ABCC5: variants seen among roughly 807,000 people sequenced by gnomAD.
ABCC5 encodes ATP-binding cassette sub-family C member 5.
A neutral mutation model predicts 160.9 loss-of-function variants in ABCC5; 61 were observed. That is an observed-to-expected ratio of 0.38 (90% CI 0.31 to 0.47). The LOEUF is 0.47. ABCC5 is among the 20% of genes least tolerant of loss of function. The pLI is 0.99. For synonymous variants in ABCC5, 666 were observed against 700.6 expected (o/e 0.95, Z 0.78); for missense variants, 1,308 against 1,813.3 (o/e 0.72, Z 5.06).
At chr3:184,011,373 T>C (rs1721728728) in intron 2 of ABCC5, 1 of 152,198 alleles carries the variant, frequency 6.6e-6, no homozygotes, top group Non-Finnish European at 1.5e-5. Context: ...ACCAGGCACA[T>C]CTATAGGAAT....
chr3:183,950,734 C>T (rs745949853), intron 20 of ABCC5, among the ~76,000 whole-genome samples: 2 of 152,120 alleles, frequency 1.3e-5, no homozygotes, highest in African/African-American at 2.4e-5. Context: ...TGTATCAGTT[C>T]GAGTATCAGG....
chr3:183,970,024 T>A (rs1488006377), intron 11 of ABCC5, among the ~76,000 whole-genome samples: 1 of 152,230 alleles, frequency 6.6e-6, no homozygotes, highest in Non-Finnish European at 1.5e-5. Context: ...GAGCCTTGAC[T>A]GTTCTCCTTG....
chr3:183,952,501 C>T (rs1470287671), intron 18 of ABCC5, among the ~76,000 whole-genome samples: 1 of 152,142 alleles, frequency 6.6e-6, no homozygotes, highest in African/African-American at 2.4e-5. Flanking sequence ...CCACCCAAAG[C>T]TCATCTTGAA....
intron 27 of ABCC5, 26 bp downstream of exon 27, chr3:183,928,721 C>G (rs752885450): frequency 1.0e-5 from 16 of 1,607,096 alleles, no homozygotes; most frequent in Admixed American, 1.7e-5. Flanking sequence ...CATCTCAGCA[C>G]GGCTTCCCCT....
chr3:183,937,148 G>A (rs578058600), intron 26 of ABCC5, among the ~76,000 whole-genome samples: 44 of 152,106 alleles, frequency 2.9e-4, no homozygotes, highest in Non-Finnish European at 5.7e-4. Flanking sequence ...AGGCCGAGGC[G>A]GGTGGATCAC....
intron 27 of ABCC5, among the ~76,000 whole-genome samples, chr3:183,928,166 G>A (rs899128339): frequency 1.3e-5 from 2 of 149,288 alleles, no homozygotes; most frequent in Admixed American, 6.7e-5. Context: ...AGGCTGGAGT[G>A]CAGTGGTGCG....
At chr3:183,931,324 C>CTTTTTTT (rs61449343) in intron 26 of ABCC5, among the ~76,000 whole-genome samples, 1 of 131,528 alleles carries the variant, frequency 7.6e-6, no homozygotes, top group Non-Finnish European at 1.6e-5. Context: ...ACAGGCTTAA[C>CTTTTTTT]TTTTTTTTTT....
chr3:184,011,038 G>A (rs1165076710), intron 2 of ABCC5, among the ~76,000 whole-genome samples: 3 of 151,428 alleles, frequency 2.0e-5, no homozygotes, highest in East Asian at 1.9e-4. Context: ...CACCGTGCCC[G>A]GCCCAAACTC....
intron 26 of ABCC5, among the ~76,000 whole-genome samples, chr3:183,936,911 T>C (rs1442838307): frequency 1.3e-5 from 2 of 152,194 alleles, no homozygotes; most frequent in Non-Finnish European, 2.9e-5. Context: ...TTAGGAAAGA[T>C]AATGTGATGC....
intron 7 of ABCC5, 65 bp from the exon 8 acceptor site, chr3:183,981,939 C>T (rs1001655411): frequency 1.3e-6 from 2 of 1,525,254 alleles, no homozygotes; most frequent in South Asian, 2.6e-5. Flanking sequence ...ACCTAATCTG[C>T]TTAAGGTCAT....
intron 12 of ABCC5, among the ~76,000 whole-genome samples, chr3:183,966,302 A>T (rs986418546): frequency 5.9e-5 from 9 of 152,156 alleles, no homozygotes; most frequent in African/African-American, 1.9e-4. Context: ...TAGCATTCTG[A>T]TGTGCACTTC....
intron 2 of ABCC5, among the ~76,000 whole-genome samples, chr3:183,999,732 T>C (rs1340908602): frequency 2.6e-5 from 4 of 152,060 alleles, no homozygotes; most frequent in Admixed American, 2.6e-4. Context: ...TGAGCCATGA[T>C]TGCACCTCTG....
rs1237283023 is a variant in ABCC5 at position 183,987,147 on chromosome 3, G to GT, written c.591+622dup. On this transcript the variant is annotated intron_variant, in intron 5 of 29. Coordinates refer to ENST00000334444, the MANE Select transcript of ABCC5 (RefSeq NM_005688.4). The surrounding 1 kb of genome is among the most constrained non-coding windows in gnomAD (Gnocchi z 4.2). ...TCAAGTGTAAGGCAGCACAGCAGGT[G>GT]TAAGAAACAGGTGCCCAGGAAACAG... is the stretch of plus-strand genomic sequence containing the variant. The GT allele has an allele frequency of 6.2e-6, 1 of 161,734 alleles. No homozygotes were observed. The highest frequency in any genetic ancestry group is 2.4e-5 in the African/African-American group (1 of 41,568). The allele number at this position is 161,734 out of a possible 1,614,324, so 10.0% of individuals were successfully genotyped here. A position where few individuals can be genotyped will look rare whatever the true frequency, so the allele number is the denominator to read the frequency against.
At chr3:184,007,775 C>T (rs1671930303) in intron 2 of ABCC5, among the ~76,000 whole-genome samples, 1 of 152,082 alleles carries the variant, frequency 6.6e-6, no homozygotes, top group African/African-American at 2.4e-5. Context: ...TGCAGTGAGC[C>T]AAGATCGCAC....
Position 183,988,451 on chromosome 3 carries a change from C to T in ABCC5, c.443+121G>A. Reference sequence around the variant, plus strand: ...GAGCAAAGAGAAAGTCATCCCCAGGCCGCCCGCCCTCCACTGGACAGCTCG... The same window carrying T: ...GAGCAAAGAGAAAGTCATCCCCAGGTCGCCCGCCCTCCACTGGACAGCTCG... On this transcript the variant is annotated intron_variant, in intron 4 of 29. Transcript: ENST00000334444. The surrounding 1 kb of genome is among the most constrained non-coding windows in gnomAD (Gnocchi z 4.4). 1 of 1,252,330 alleles carries T rather than the reference C, an allele frequency of 8.0e-7. No individual in the cohort carries two copies. Among genetic ancestry groups the T allele is most frequent in the Non-Finnish European group, 1.1e-6 (1 of 917,030 alleles). 77.6% of individuals were successfully genotyped at this position (1,252,330 alleles called of 1,614,324 possible).
At chr3:183,936,235 G>T (rs138887185) in intron 26 of ABCC5, among the ~76,000 whole-genome samples, 44 of 152,202 alleles carry the variant, frequency 2.9e-4, no homozygotes, top group African/African-American at 1.0e-3. Context: ...CTGCAAACCA[G>T]GAAGACGGCC....
rs1358517175 is a variant in ABCC5, at chr3:184,017,155, G to A, written c.-56+675C>T. ...GTGCCCACCTGCCTCCAGCCTCTCC[G>A]TCTGTGCAGAAACCAAATGGCCCCT... On this transcript the variant is annotated intron_variant, in intron 1 of 29. Transcript: ENST00000334444. This position sits in a 1 kb window ranked among gnomAD's most constrained non-coding sequence, Gnocchi z 4.5. Among the ~76,000 whole-genome samples, 4 of 152,090 alleles carry A rather than the reference G, an allele frequency of 2.6e-5. No homozygotes were observed. Among genetic ancestry groups the A allele is most frequent in the Non-Finnish European group, 5.9e-5 (4 of 68,014 alleles).
At position 183,959,847 on chromosome 3, in the gene ABCC5, TAA is replaced by T; in HGVS notation, c.2380-14_2380-13del. ...TTTTTTGAATTGATCTAATAATATTTAAAAAAAAAAGTCTCCAGTCATGTTAG... is the reference window on the plus strand; with the variant it reads ...TTTTTTGAATTGATCTAATAATATTTAAAAAAAAGTCTCCAGTCATGTTAG... On this transcript the variant is annotated splice_polypyrimidine_tract_variant and intron_variant, in intron 16 of 29. Coordinates refer to ENST00000334444, the MANE Select transcript of ABCC5 (RefSeq NM_005688.4). 4 of 1,462,414 alleles carry T rather than the reference TAA, an allele frequency of 2.7e-6. No individual in the cohort carries two copies. Among genetic ancestry groups the T allele is most frequent in the Admixed American group, 2.0e-5 (1 of 50,194 alleles). The allele number at this position is 1,462,414 out of a possible 1,614,324, so 90.6% of individuals were successfully genotyped here.
At chr3:183,957,350 T>C (rs2108808767) in intron 17 of ABCC5, among the ~76,000 whole-genome samples, 1 of 124,090 alleles carries the variant, frequency 8.1e-6, no homozygotes, top group South Asian at 2.6e-4. Flanking sequence ...GTACATCACA[T>C]CGGTTACATG....
Sources: gnomAD v4.1 joint callset for allele counts (sites outside exome capture counted in the v4.1 genomes callset) on GRCh38, gnomAD v4.1.1 for gene constraint, Gnocchi (gnomAD v3.1) non-coding constraint, MANE v1.5 for transcripts, NCBI Gene and HGNC (gene_info 2026-07-23, HGNC 2026-07-21) for gene names.